Variants in ESRRG observed in about 807,000 individuals in gnomAD.
ESRRG encodes estrogen related receptor gamma.
A neutral mutation model predicts 44.0 loss-of-function variants in ESRRG; 13 were observed. The ratio of observed to expected loss-of-function variants is 0.30; its 90% CI spans 0.19 to 0.47. The LOEUF is 0.47. Ranked by LOEUF, ESRRG falls within the 20% of genes least tolerant of loss-of-function variation. The pLI is 1.00. For missense variants in ESRRG, 395 were observed against 580.6 expected (o/e 0.68, Z 3.29); for synonymous variants, 215 against 214.6 (o/e 1.00, Z -0.02).
chr1:216,738,745 A>T (rs544702182), intron 2 of ESRRG, among the ~76,000 whole-genome samples: 8 of 152,134 alleles, frequency 5.3e-5, no homozygotes, highest in Admixed American at 5.2e-4. Context: ...AAATTCTAGG[A>T]CTCTCAAAAC....
At chr1:216,639,846 T>C (rs1226471969) in intron 3 of ESRRG, among the ~76,000 whole-genome samples, 1 of 152,196 alleles carries the variant, frequency 6.6e-6, no homozygotes, top group Admixed American at 6.5e-5. Flanking sequence ...TCCCATTTCA[T>C]CTCAGATAGT....
At chr1:216,534,514 A>AT (rs1285482901) in intron 5 of ESRRG, among the ~76,000 whole-genome samples, 1 of 152,170 alleles carries the variant, frequency 6.6e-6, no homozygotes, top group African/African-American at 2.4e-5. Context: ...TAAAACAATA[A>AT]TTCAAGAACA....
chr1:216,661,767 G>T (rs2072503454), intron 2 of ESRRG, among the ~76,000 whole-genome samples: 2 of 152,132 alleles, frequency 1.3e-5, no homozygotes, highest in Admixed American at 6.5e-5. Context: ...ATTAGAGTTT[G>T]CTTTTAAGAT....
chr1:216,568,964 G>A (rs925686055), intron 3 of ESRRG, among the ~76,000 whole-genome samples: 1 of 151,950 alleles, frequency 6.6e-6, no homozygotes, highest in Non-Finnish European at 1.5e-5. Context: ...TGAGGCAGGA[G>A]AATCGCTTGA....
At chr1:216,703,679 G>GTGTGTA (rs1559317355) in intron 1 of ESRRG, among the ~76,000 whole-genome samples, 1 of 147,914 alleles carries the variant, frequency 6.8e-6, no homozygotes, top group Non-Finnish European at 1.5e-5. Context: ...GTGTGTGTGT[G>GTGTGTA]TGTGTATGTT....
At chr1:216,797,896 G>T (rs567826117) in intron 2 of ESRRG, among the ~76,000 whole-genome samples, 1 of 152,154 alleles carries the variant, frequency 6.6e-6, no homozygotes, top group East Asian at 1.9e-4. Context: ...TAGGGACTGG[G>T]GAGTCATGTT....
chr1:216,791,971 T>C (rs965866387), intron 2 of ESRRG, among the ~76,000 whole-genome samples: 9 of 152,192 alleles, frequency 5.9e-5, no homozygotes, highest in Admixed American at 3.9e-4. Flanking sequence ...TGCCATCAAG[T>C]AGATTTTCTC....
intron 1 of ESRRG, among the ~76,000 whole-genome samples, chr1:217,134,909 G>GGCCGCAGCCGCTGGAAAAAGGT (rs1186610475): frequency 2.0e-5 from 3 of 152,262 alleles, no homozygotes; most frequent in African/African-American, 2.4e-5. Flanking sequence ...AGCGAGTCCT[G>GGCCGCAGCCGCTGGAAAAAGGT]GCCGCAGCCG....
intron 1 of ESRRG, chr1:217,078,034 A>G (rs1045301519): frequency 2.6e-5 from 4 of 152,234 alleles, no homozygotes; most frequent in African/African-American, 9.6e-5. Flanking sequence ...TGAATGTAAC[A>G]TAACGTCGGA....
At chr1:217,010,321 T>C (rs2078385636) in intron 1 of ESRRG, among the ~76,000 whole-genome samples, 1 of 152,200 alleles carries the variant, frequency 6.6e-6, no homozygotes, top group African/African-American at 2.4e-5. Flanking sequence ...ATCACATTTT[T>C]AAAAACATAT....
rs372500869 is a variant in ESRRG at position 216,579,663 on chromosome 1, T to A, written c.590-11565A>T. On this transcript the variant is annotated intron_variant, in intron 3 of 6. Coordinates refer to ENST00000408911, the MANE Select transcript of ESRRG (RefSeq NM_001438.4). ...GACTTCCCTGTGTATTGTTATTATATGAGGGGTTGTAGGATGGGCAATTGC... is the reference window on the plus strand; with the variant it reads ...GACTTCCCTGTGTATTGTTATTATAAGAGGGGTTGTAGGATGGGCAATTGC... 1.5e-3 allele frequency among the ~76,000 whole-genome samples: 225 copies of A among 152,268 alleles called. 2 individuals are homozygous for A. Among genetic ancestry groups the A allele is most frequent in the African/African-American group, 5.0e-3 (206 of 41,572 alleles).
At chr1:216,738,265 A>G (rs1001032761) in intron 2 of ESRRG, among the ~76,000 whole-genome samples, 6 of 152,184 alleles carry the variant, frequency 3.9e-5, no homozygotes, top group African/African-American at 1.4e-4. Context: ...GGTAAAGTGA[A>G]GACCATCTGT....
chr1:216,915,624 T>C (rs1006849338), intron 2 of ESRRG, among the ~76,000 whole-genome samples: 4 of 152,078 alleles, frequency 2.6e-5, no homozygotes, highest in African/African-American at 9.7e-5. Context: ...AGTACTTGAT[T>C]ACAAAGAGAA....
intron 1 of ESRRG, among the ~76,000 whole-genome samples, chr1:217,006,983 A>T (rs1003832624): frequency 2.6e-5 from 4 of 152,146 alleles, no homozygotes; most frequent in African/African-American, 9.7e-5. Flanking sequence ...GTACTTTATA[A>T]ATCATATCAC....
At chr1:216,744,180 C>T (rs890081728) in intron 2 of ESRRG, among the ~76,000 whole-genome samples, 12 of 152,206 alleles carry the variant, frequency 7.9e-5, no homozygotes, top group Middle Eastern at 3.4e-3. Flanking sequence ...ATACATTGTC[C>T]GTTAGAGTCT....
chr1:217,022,692 C>T (rs937568328), intron 1 of ESRRG, among the ~76,000 whole-genome samples: 5 of 152,156 alleles, frequency 3.3e-5, no homozygotes, highest in Admixed American at 1.3e-4. Context: ...GTTTCATGAC[C>T]GAGTAAAATG....
chr1:216,863,136 C>G (rs1440405054), intron 2 of ESRRG: 1 of 152,044 alleles, frequency 6.6e-6, no homozygotes, highest in South Asian at 2.1e-4. Context: ...TTGTTGGGTC[C>G]GATGCCCAGA....
At chr1:216,795,827 G>A (rs1036138760) in intron 2 of ESRRG, among the ~76,000 whole-genome samples, 2 of 152,112 alleles carry the variant, frequency 1.3e-5, no homozygotes, top group Non-Finnish European at 1.5e-5. Flanking sequence ...GATGGAAATA[G>A]GAGTCACAGG....
At chr1:216,835,892 G>A (rs1010877871) in intron 2 of ESRRG, among the ~76,000 whole-genome samples, 1 of 152,106 alleles carries the variant, frequency 6.6e-6, no homozygotes, top group African/African-American at 2.4e-5. Flanking sequence ...AAAACCGCTT[G>A]ATTTATTGAA....
Sources: gnomAD v4.1 joint callset for allele counts (sites outside exome capture counted in the v4.1 genomes callset) on GRCh38, gnomAD v4.1.1 for gene constraint, MANE v1.5 for transcripts, NCBI Gene and HGNC (gene_info 2026-07-23, HGNC 2026-07-21) for gene names.